GALNTL6: variants seen among roughly 807,000 people sequenced by gnomAD.
GALNTL6 encodes polypeptide N-acetylgalactosaminyltransferase like 6.
Under a neutral mutation model 73.7 loss-of-function variants are expected in GALNTL6, and 46 were observed. That is an observed-to-expected ratio of 0.62 (90% CI 0.49 to 0.80). GALNTL6 has a LOEUF of 0.80. Ranked by LOEUF, GALNTL6 falls within the 30% of genes least tolerant of loss-of-function variation. GALNTL6 has a pLI of 0.00. For missense variants in GALNTL6, 604 were observed against 755.0 expected (o/e 0.80, Z 2.34); for synonymous variants, 259 against 263.7 (o/e 0.98, Z 0.17).
In GALNTL6 at chr4:172,667,458, G is replaced by C. The variant is rs186517343; in HGVS notation, c.554-141903G>C. ...TGGGTTTCACAAAGTGATGGACGGG[G>C]TGTGTTCTTTTCCAGAGCTTCTGGG... On this transcript the variant is annotated intron_variant, in intron 5 of 12. Coordinates refer to ENST00000506823, the MANE Select transcript of GALNTL6 (RefSeq NM_001034845.3). 22 of 151,790 alleles carry C rather than the reference G, an allele frequency of 1.4e-4. No homozygotes were observed. In the East Asian group the frequency reaches 3.9e-3, roughly 27 times the overall value. 9.4% of individuals were successfully genotyped at this position (151,790 alleles called of 1,614,324 possible). A position where few individuals can be genotyped will look rare whatever the true frequency, so the allele number is the denominator to read the frequency against.
rs182113618 is a variant in GALNTL6 at position 171,868,195 on chromosome 4, C to G, written c.138+53477C>G. 5.2e-3 allele frequency among the ~76,000 whole-genome samples: 795 copies of G among 151,880 alleles called. 5 individuals carry two copies. Among genetic ancestry groups the G allele is most frequent in the African/African-American group, 0.018 (748 of 41,396 alleles). Reference sequence around the variant, plus strand: ...GTAGAGAAAGATTCTCACTGTGTTGCCCAGGCTGGTCTCGAACTACTGGCC... The same window carrying G: ...GTAGAGAAAGATTCTCACTGTGTTGGCCAGGCTGGTCTCGAACTACTGGCC... On this transcript the variant is annotated intron_variant, in intron 2 of 12. Transcript: ENST00000506823.
intron 5 of GALNTL6, among the ~76,000 whole-genome samples, chr4:172,447,977 A>C (rs1732086515): frequency 6.6e-6 from 1 of 152,244 alleles, no homozygotes; most frequent in Non-Finnish European, 1.5e-5. Flanking sequence ...TAAAGGGTGG[A>C]AATAAATAAT....
At chr4:173,025,000 A>G (rs1266792642) in intron 12 of GALNTL6, among the ~76,000 whole-genome samples, 3 of 152,148 alleles carry the variant, frequency 2.0e-5, no homozygotes, top group Admixed American at 6.5e-5. Flanking sequence ...CCTCCCAGCT[A>G]CATGGAGATA....
Position 173,039,923 on chromosome 4 carries a change from A to G in GALNTL6, c.1639-10A>G, listed in dbSNP as rs766352008. ...ACAACAGTCTTTTCTTTTCTTCCTC[A>G]CTCCTCCAGGACAGAACATTATTCC... On this transcript the variant is annotated splice_polypyrimidine_tract_variant and intron_variant, in intron 12 of 12. Coordinates refer to ENST00000506823, the MANE Select transcript of GALNTL6 (RefSeq NM_001034845.3). The G allele has an allele frequency of 1.6e-5, 25 of 1,597,426 alleles. No homozygotes were observed. The Middle Eastern group carries it at 6.7e-4, about 43-fold the overall frequency.
At chr4:172,622,803 G>A (rs1051425573) in intron 5 of GALNTL6, among the ~76,000 whole-genome samples, 1 of 152,076 alleles carries the variant, frequency 6.6e-6, no homozygotes, top group Non-Finnish European at 1.5e-5. Context: ...ATCCAGGTCT[G>A]AGGATCTAGA....
chr4:171,823,076 C>T (rs1415855158), intron 2 of GALNTL6, among the ~76,000 whole-genome samples: 1 of 152,126 alleles, frequency 6.6e-6, no homozygotes. Flanking sequence ...GCAATGTTAA[C>T]AGCCACATTG....
intron 5 of GALNTL6, among the ~76,000 whole-genome samples, chr4:172,795,564 A>G (rs1287769210): frequency 6.6e-6 from 1 of 152,144 alleles, no homozygotes; most frequent in Non-Finnish European, 1.5e-5. Flanking sequence ...TTGTGGTTAC[A>G]TAGTAGGTAT....
chr4:172,593,401 C>T (rs1737727661), intron 5 of GALNTL6, among the ~76,000 whole-genome samples: 1 of 152,128 alleles, frequency 6.6e-6, no homozygotes, highest in Admixed American at 6.5e-5. Context: ...TGGATATATT[C>T]TTTGTGCTCA....
intron 5 of GALNTL6, among the ~76,000 whole-genome samples, chr4:172,528,965 G>GTGTGTATATATATATATATATA (rs1561123733): frequency 8.7e-5 from 3 of 34,496 alleles, no homozygotes; most frequent in African/African-American, 2.3e-4. Flanking sequence ...ATATATATAT[G>GTGTGTATATATATATATATATA]TGTGTGTATA....
At chr4:172,737,159 T>G (rs4502666) in intron 5 of GALNTL6, among the ~76,000 whole-genome samples, 54,632 of 152,150 alleles carry the variant, frequency 0.36, 10,867 homozygotes, top group African/African-American at 0.52. Flanking sequence ...CTTTTTCAAG[T>G]TTTGAAACAC....
chr4:172,463,336 GAA>G (rs574100286), intron 5 of GALNTL6, among the ~76,000 whole-genome samples: 1 of 129,584 alleles, frequency 7.7e-6, no homozygotes, highest in Non-Finnish European at 1.7e-5. Context: ...ATGAGAGACA[GAA>G]AAAAAAAAAA....
chr4:172,333,163 T>C (rs932462195), intron 4 of GALNTL6, among the ~76,000 whole-genome samples: 1 of 152,120 alleles, frequency 6.6e-6, no homozygotes, highest in Non-Finnish European at 1.5e-5. Flanking sequence ...CCCAGCACTT[T>C]GGGAGGCCAA....
chr4:172,153,340 A>T (rs1734156117), intron 2 of GALNTL6, among the ~76,000 whole-genome samples: 1 of 152,216 alleles, frequency 6.6e-6, no homozygotes, highest in Admixed American at 6.5e-5. Flanking sequence ...AATGAATCAA[A>T]ATTGGAGTCA....
chr4:172,377,707 G>T (rs1281513410), intron 5 of GALNTL6, among the ~76,000 whole-genome samples: 11 of 152,160 alleles, frequency 7.2e-5, no homozygotes, highest in Non-Finnish European at 1.3e-4. Context: ...GGCCTGGCAA[G>T]AATTCTAGTG....
intron 5 of GALNTL6, among the ~76,000 whole-genome samples, chr4:172,590,592 G>A (rs1243485221): frequency 6.6e-6 from 1 of 152,136 alleles, no homozygotes; most frequent in African/African-American, 2.4e-5. Flanking sequence ...GCTTCAGAAT[G>A]AACATAGTAT....
intron 8 of GALNTL6, among the ~76,000 whole-genome samples, chr4:172,929,455 G>A (rs1302594669): frequency 6.6e-6 from 1 of 152,148 alleles, no homozygotes. Context: ...GGAAGAGAGA[G>A]ATTAATTTTA....
chr4:172,096,411 G>A (rs939284003), intron 2 of GALNTL6, among the ~76,000 whole-genome samples: 2 of 151,922 alleles, frequency 1.3e-5, no homozygotes, highest in East Asian at 3.9e-4. Context: ...GTTTCTTTTT[G>A]ATGAGTGCAT....
At chr4:172,998,251 C>CA (rs1231461366) in intron 10 of GALNTL6, among the ~76,000 whole-genome samples, 1 of 152,048 alleles carries the variant, frequency 6.6e-6, no homozygotes, top group East Asian at 1.9e-4. Flanking sequence ...TCTGTTTAAG[C>CA]AAAAATGGTG....
At chr4:172,356,246 G>A (rs959938291) in intron 5 of GALNTL6, among the ~76,000 whole-genome samples, 17 of 152,144 alleles carry the variant, frequency 1.1e-4, no homozygotes, top group African/African-American at 4.1e-4. Flanking sequence ...TGTCACCAGT[G>A]TGAAACCATT....
Sources: gnomAD v4.1 joint callset for allele counts (sites outside exome capture counted in the v4.1 genomes callset) on GRCh38, gnomAD v4.1.1 for gene constraint, MANE v1.5 for transcripts, NCBI Gene and HGNC (gene_info 2026-07-23, HGNC 2026-07-21) for gene names.